The following FOXN1 variants were observed in gnomAD, a reference collection of about 807,000 sequenced individuals.
The protein encoded by FOXN1 is forkhead box protein N1.
FOXN1 carries 15 observed loss-of-function variants against 49.0 expected under a neutral mutation model. The ratio of observed to expected loss-of-function variants is 0.31; its 90% confidence interval spans 0.20 to 0.47. The LOEUF (loss-of-function observed/expected upper bound fraction) is 0.47, where lower values mean the gene tolerates loss of function less well. FOXN1 is among the 20% of genes least tolerant of loss of function. The probability of loss-of-function intolerance (pLI) is 1.00; values close to 1 mark genes in which losing one functional copy is unlikely to be tolerated. For synonymous variants in FOXN1, 356 were observed against 369.0 expected (o/e 0.96, Z 0.40); for missense variants, 800 against 842.8 (o/e 0.95, Z 0.63).
At chr17:28,521,085 C>T (rs1038666759) in intron 1 of FOXN1, among the ~76,000 whole-genome samples, 10 of 152,224 alleles carry the variant, frequency 6.6e-5, no homozygotes, top group Non-Finnish European at 1.5e-4. Flanking sequence ...GCCAGCACCT[C>T]GTGCACACCA....
intron 1 of FOXN1, among the ~76,000 whole-genome samples, chr17:28,516,652 GT>G (rs2069511223): frequency 7.1e-6 from 1 of 141,010 alleles, no homozygotes; most frequent in African/African-American, 2.7e-5. Flanking sequence ...CCTCCACTGG[GT>G]ACACACCTCC....
intron 3 of FOXN1, among the ~76,000 whole-genome samples, chr17:28,526,434 G>A (rs531453242): frequency 4.6e-5 from 7 of 152,194 alleles, no homozygotes; most frequent in Non-Finnish European, 8.8e-5. Context: ...CCTCCTCCAG[G>A]GCTTGTCCAC....
At chr17:28,530,001 A>G (rs1360292321) in intron 5 of FOXN1, among the ~76,000 whole-genome samples, 1 of 144,750 alleles carries the variant, frequency 6.9e-6, no homozygotes, top group African/African-American at 2.6e-5. Context: ...CTGAGCCTCT[A>G]TTTATTCCTC....
At position 28,524,024 on chromosome 17, in the gene FOXN1, C is replaced by T. The variant is rs2151486332; in HGVS notation, c.55C>T (p.Leu19=). ...SDVTLPGPTR[L]EGERQGDLMQ... ...CGTCACGCTGCCGGGCCCCACCAGA[C>T]TGGAGGGCGAGCGCCAAGGGGACCT... The change falls in exon 2 of 9, where the codon CTG becomes TTG. Residue 19 remains leucine, a synonymous_variant. Transcript: ENST00000579795. The T allele has an allele frequency of 2.5e-6, 4 of 1,612,690 alleles. No individual in the cohort carries two copies. Among genetic ancestry groups the T allele is most frequent in the Non-Finnish European group, 3.4e-6 (4 of 1,179,902 alleles).
chr17:28,535,277 C>T, intron 8 of FOXN1, 79 bp downstream of exon 8: 2 of 1,480,796 alleles, frequency 1.4e-6, no homozygotes, highest in Non-Finnish European at 1.8e-6. Flanking sequence ...TTCTCCAAGT[C>T]TCCAGACTGC....
intron 1 of FOXN1, among the ~76,000 whole-genome samples, chr17:28,507,126 T>G (rs2069279343): frequency 6.6e-6 from 1 of 151,994 alleles, no homozygotes; most frequent in South Asian, 2.1e-4. Flanking sequence ...AGAGTCCTGG[T>G]GAGCAGAGCT....
At chr17:28,513,712 G>C (rs939107848) in intron 1 of FOXN1, among the ~76,000 whole-genome samples, 1 of 152,254 alleles carries the variant, frequency 6.6e-6, no homozygotes, top group South Asian at 2.1e-4. Context: ...CCTCGATGGA[G>C]GCTCCTGGGG....
chr17:28,511,774 C>T (rs536727258), intron 1 of FOXN1, among the ~76,000 whole-genome samples: 1 of 151,830 alleles, frequency 6.6e-6, no homozygotes, highest in South Asian at 2.1e-4. Flanking sequence ...AGTCCTTGGT[C>T]GGGAGGACTC....
At chr17:28,528,975 AC>A in intron 4 of FOXN1, 118 bp from the exon 5 acceptor site, 1 of 1,337,676 alleles carries the variant, frequency 7.5e-7, no homozygotes, top group Non-Finnish European at 1.1e-6. Context: ...GGGGCCCATG[AC>A]CCAGGAGGGA....
intron 3 of FOXN1, 110 bp downstream of exon 3, chr17:28,525,077 T>G (rs749027637): frequency 3.9e-5 from 35 of 895,706 alleles, no homozygotes; most frequent in Middle Eastern, 6.4e-4. Flanking sequence ...TTTGCAGACC[T>G]TGCCACTCAA....
chr17:28,525,016 C>T (rs1294099188), intron 3 of FOXN1, 49 bp downstream of exon 3: 1 of 1,395,154 alleles, frequency 7.2e-7, no homozygotes, highest in Non-Finnish European at 1.0e-6. Flanking sequence ...TGTCCCAGTT[C>T]CTAGCAGCCT....
Position 28,537,292 on chromosome 17 carries a change from C to G in FOXN1, c.1803C>G (p.Gly601=). Residue 601 remains glycine (G), a synonymous_variant, in exon 9 of 9, where the codon GGC becomes GGG. Transcript: ENST00000579795. ...GSGAGDLAAP[G]SGGSGALGDL... is the part of the protein sequence containing the mutation. The stretch of plus-strand genomic sequence containing the variant: ...GGGCAGGTGACTTGGCAGCCCCGGG[C>G]AGTGGTGGCTCCGGGGCACTGGGTG... 3 of 1,613,936 alleles carry G rather than the reference C, an allele frequency of 1.9e-6. No homozygotes were observed. The highest frequency in any genetic ancestry group is 2.5e-6 in the Non-Finnish European group (3 of 1,179,924).
In FOXN1 at chr17:28,512,097, C is replaced by T. The variant is rs115132831; in HGVS notation, c.-15+5654C>T. On this transcript the variant is annotated intron_variant, in intron 1 of 8. Transcript: ENST00000579795. ...GTGCTTAGAGGTCAGCCACTTCATC[C>T]CATACCCCAGCCCATTTCTCCATCC... Among the ~76,000 whole-genome samples, 581 of 152,298 alleles carry T rather than the reference C, an allele frequency of 3.8e-3. 7 individuals carry two copies. The highest frequency in any genetic ancestry group is 0.013 in the African/African-American group (546 of 41,554).
chr17:28,523,906 T>A, intron 1 of FOXN1, 50 bp from the exon 2 acceptor site: 1 of 1,606,786 alleles, frequency 6.2e-7, no homozygotes, highest in Admixed American at 1.7e-5. Flanking sequence ...CCTGGGTTGG[T>A]CCCCACTGGA....
In FOXN1 at chr17:28,529,089, C is replaced by T; in HGVS notation, c.700-5C>T. On this transcript the variant is annotated splice_polypyrimidine_tract_variant and splice_region_variant and intron_variant, in intron 4 of 8. Transcript: ENST00000579795. ...CAATCACTCTGCCCCTTTTGACCTC[C>T]TCAGTACTCGCCAGGTGGTGGCAGC... 6.2e-7 allele frequency: 1 copy of T among 1,614,092 alleles called. No homozygotes were observed.
intron 1 of FOXN1, among the ~76,000 whole-genome samples, chr17:28,523,308 A>T (rs2069679334): frequency 1.3e-5 from 2 of 152,224 alleles, no homozygotes; most frequent in African/African-American, 4.8e-5. Context: ...TGACATCGTC[A>T]GGGCCCGCTG....
chr17:28,520,669 A>G (rs964570849), intron 1 of FOXN1, among the ~76,000 whole-genome samples: 2 of 152,208 alleles, frequency 1.3e-5, no homozygotes, highest in Non-Finnish European at 2.9e-5. Context: ...AAGGCCTCTG[A>G]CATACAGGAA....
Position 28,523,983 on chromosome 17 carries a change from C to T in FOXN1, c.14C>T (p.Pro5Leu). ...CAGGACTGGGTGATGGTGTCGCTAC[C>T]CCCGCCGCAGTCTGACGTCACGCTG... is the stretch of plus-strand genomic sequence containing the variant. MVSL[P>L]PPQSDVTLPG... Residue 5 changes from proline (P) to leucine (L), a missense_variant, in exon 2 of 9, where the codon CCC becomes CTC. Coordinates refer to ENST00000579795, the MANE Select transcript of FOXN1 (RefSeq NM_001369369.1). 1 of 1,613,224 alleles carries T rather than the reference C, an allele frequency of 6.2e-7. No homozygotes were observed. The highest frequency in any genetic ancestry group is 1.7e-5 in the Admixed American group (1 of 60,018).
At chr17:28,519,342 A>G (rs1369003564) in intron 1 of FOXN1, among the ~76,000 whole-genome samples, 1 of 151,696 alleles carries the variant, frequency 6.6e-6, no homozygotes, top group African/African-American at 2.4e-5. Context: ...AAAAAAAAAA[A>G]GTGCAGAGGA....
Sources: allele counts gnomAD v4.1 joint callset (sites outside exome capture counted in the v4.1 genomes callset), GRCh38; gene constraint gnomAD v4.1.1; transcripts MANE v1.5; gene names NCBI Gene and HGNC (gene_info 2026-07-23, HGNC 2026-07-21).